Variants in SCN1A observed in about 807,000 individuals in gnomAD.
SCN1A encodes sodium voltage-gated channel alpha subunit 1.
A neutral mutation model predicts 193.7 loss-of-function variants in SCN1A; 13 were observed. The observed-to-expected ratio is 0.07, with a 90% CI of 0.04 to 0.11. The LOEUF (loss-of-function observed/expected upper bound fraction) is 0.11. Among genes scored for constraint, SCN1A ranks in the 10% least tolerant of loss-of-function variants. The pLI, the probability that SCN1A is intolerant of heterozygous loss-of-function variation, is 1.00. For synonymous variants in SCN1A, 781 were observed against 843.6 expected (o/e 0.93, Z 1.29); for missense variants, 1,432 against 2,451.1 (o/e 0.58, Z 8.78).
chr2:166,133,212 G>T (rs541391460), intron 1 of SCN1A, among the ~76,000 whole-genome samples: 1 of 152,264 alleles, frequency 6.6e-6, no homozygotes, highest in South Asian at 2.1e-4. Context: ...AGATTCCCCA[G>T]TTGCCCTCTG....
chr2:166,043,870 G>T lies in SCN1A; in HGVS notation c.1842C>A (p.His614Gln), dbSNP rs370463183. The T allele has an allele frequency of 6.2e-7, 1 of 1,614,152 alleles. No individual in the cohort carries two copies. Among genetic ancestry groups the T allele is most frequent in the Non-Finnish European group, 8.5e-7 (1 of 1,180,022 alleles). Residue 614 changes from histidine to glutamine, a missense_variant, in exon 14 of 29, where the codon CAC (histidine) becomes CAA (glutamine). His to Gln is a conservative substitution (Grantham distance 24). Transcript: ENST00000674923. ...RRDSLFVPRR[H>Q]GERRNSNLSQ... ...TCAGGTTGCTGTTGCGTCTCTCTCC[G>T]TGTCGTCGGGGCACAAACAAGGAAT...
intron 13 of SCN1A, among the ~76,000 whole-genome samples, chr2:166,044,321 C>T (rs963730480): frequency 4.6e-5 from 7 of 152,064 alleles, no homozygotes; most frequent in Non-Finnish European, 1.0e-4. Context: ...CACACACACC[C>T]TGAACGACCA....
intron 19 of SCN1A, among the ~76,000 whole-genome samples, chr2:166,029,587 G>A (rs1695276092): frequency 1.3e-5 from 2 of 152,070 alleles, no homozygotes; most frequent in African/African-American, 4.8e-5. Flanking sequence ...AAAAATATCA[G>A]CAAAGCAACA....
At chr2:166,129,702 T>C (rs1038030154), upstream of SCN1A, among the ~76,000 whole-genome samples, 17 of 152,068 alleles carry the variant, frequency 1.1e-4, no homozygotes, top group Non-Finnish European at 2.2e-4. Flanking sequence ...AATAATACAT[T>C]CCATATGAAT....
chr2:166,101,833 C>A (rs956653262), intron 2 of SCN1A, among the ~76,000 whole-genome samples: 1 of 152,086 alleles, frequency 6.6e-6, no homozygotes, highest in South Asian at 2.1e-4. Flanking sequence ...ATGACAAAGT[C>A]TCCAAAAGCA....
intron 27 of SCN1A, 26 bp from the exon 28 acceptor site, chr2:165,994,442 A>G: frequency 1.2e-6 from 2 of 1,610,880 alleles, no homozygotes; most frequent in South Asian, 1.1e-5. Context: ...AATGCTTTTA[A>G]CAACAAAGGA....
At chr2:166,021,179 T>G (rs1694015305) in intron 19 of SCN1A, among the ~76,000 whole-genome samples, 1 of 152,186 alleles carries the variant, frequency 6.6e-6, no homozygotes, top group Non-Finnish European at 1.5e-5. Flanking sequence ...AGAAGAATTT[T>G]CCCCTACTTT....
chr2:166,012,660 T>C (rs1692683334), intron 21 of SCN1A, among the ~76,000 whole-genome samples: 1 of 126,800 alleles, frequency 7.9e-6, no homozygotes, highest in Non-Finnish European at 1.6e-5. Context: ...GTTGAAGAAA[T>C]AATGAAAGCT....
intron 18 of SCN1A, among the ~76,000 whole-genome samples, chr2:166,037,335 C>T (rs1404454871): frequency 6.6e-6 from 1 of 152,154 alleles, no homozygotes; most frequent in Non-Finnish European, 1.5e-5. Context: ...CTCTTAAAGA[C>T]ACCACTTTTT....
chr2:166,102,304 GACTA>G (rs1241646635), intron 2 of SCN1A, among the ~76,000 whole-genome samples: 10 of 152,146 alleles, frequency 6.6e-5, no homozygotes, highest in Middle Eastern at 3.4e-3. Context: ...AGACCATCCT[GACTA>G]ACACGGTGAA....
At position 166,143,252 on chromosome 2, in the gene SCN1A, C is replaced by T. The variant is rs71426799; in HGVS notation, c.-50+5795G>A. ...CAGGATCTCGGCTCACTGCAAGCTCCGCCTCCCGGGTTCAAGCCATTCTCC... is the reference window on the plus strand; with the variant it reads ...CAGGATCTCGGCTCACTGCAAGCTCTGCCTCCCGGGTTCAAGCCATTCTCC... On this transcript the variant is annotated intron_variant, in intron 1 of 26. Coordinates refer to the SCN1A transcript ENST00000635750. Among the ~76,000 whole-genome samples, 105 of 149,192 alleles carry T rather than the reference C, an allele frequency of 7.0e-4. 1 individual carries two copies. Among genetic ancestry groups the T allele is most frequent in the African/African-American group, 2.3e-3 (94 of 40,218 alleles).
chr2:166,094,795 G>T (rs1687198874), intron 2 of SCN1A, among the ~76,000 whole-genome samples: 1 of 91,108 alleles, frequency 1.1e-5, no homozygotes, highest in Admixed American at 1.0e-4. Flanking sequence ...ACTCTTGAGG[G>T]TACAGGGCTA....
intron 4 of SCN1A, among the ~76,000 whole-genome samples, chr2:166,066,036 AAG>A (rs532224816): frequency 1.3e-5 from 2 of 152,148 alleles, no homozygotes; most frequent in Admixed American, 6.5e-5. Flanking sequence ...GTACCTAGAG[AAG>A]AGTCTGTAAA....
At chr2:166,010,247 T>TA (rs1026755490) in intron 22 of SCN1A, among the ~76,000 whole-genome samples, 1 of 151,106 alleles carries the variant, frequency 6.6e-6, no homozygotes, top group Non-Finnish European at 1.5e-5. Context: ...GCTGTTGTAC[T>TA]AAAAAAAGCA....
chr2:166,090,655 C>T (rs1263740473), intron 2 of SCN1A, among the ~76,000 whole-genome samples: 2 of 152,122 alleles, frequency 1.3e-5, no homozygotes, highest in African/African-American at 4.8e-5. Flanking sequence ...TAAAATGTAA[C>T]TACTATACAT....
upstream of SCN1A, among the ~76,000 whole-genome samples, chr2:166,131,758 T>C (rs1329697443): frequency 6.6e-6 from 1 of 152,204 alleles, no homozygotes; most frequent in Non-Finnish European, 1.5e-5. Flanking sequence ...CTTTCAAATG[T>C]GTATCTCCTG....
At position 166,118,611 on chromosome 2, in the gene SCN1A, A is replaced by T. The variant is rs190716675; in HGVS notation, c.-142+8313T>A. Among the ~76,000 whole-genome samples the T allele has an allele frequency of 2.2e-4, 34 of 152,118 alleles. No homozygotes were observed. The Middle Eastern group carries it at 0.017, about 76-fold the overall frequency. ...CTTGGTTTTGTCCCAACACACTGAC[A>T]TACATAGCCCAAAATACTACTGGCC... On this transcript the variant is annotated intron_variant, in intron 2 of 28. Coordinates refer to ENST00000674923, the MANE Select transcript of SCN1A (RefSeq NM_001165963.4).
chr2:166,116,919 G>A (rs1477931852), intron 2 of SCN1A, among the ~76,000 whole-genome samples: 2 of 152,268 alleles, frequency 1.3e-5, no homozygotes, highest in Non-Finnish European at 1.5e-5. Context: ...GCTAAGTTAT[G>A]CAGGTCTTCA....
At chr2:166,073,165 G>T in intron 4 of SCN1A, 193 bp downstream of exon 4, 1 of 657,514 alleles carries the variant, frequency 1.5e-6, no homozygotes, top group Non-Finnish European at 2.5e-6. Context: ...GTGCATTTGG[G>T]ACAGTTGCAT....
Sources: allele counts gnomAD v4.1 joint callset (sites outside exome capture counted in the v4.1 genomes callset), GRCh38; gene constraint gnomAD v4.1.1; transcripts MANE v1.5; gene names NCBI Gene and HGNC (gene_info 2026-07-23, HGNC 2026-07-21).